The following GLI3 variants were observed in gnomAD, a reference collection of about 807,000 sequenced individuals.
GLI3 encodes GLI family zinc finger 3.
GLI3 carries 20 observed loss-of-function variants against 100.8 expected under a neutral mutation model. That is an observed-to-expected ratio of 0.20 (90% CI 0.14 to 0.29). The LOEUF (loss-of-function observed/expected upper bound fraction) is 0.29, where lower values mean the gene tolerates loss of function less well. GLI3 is among the 10% of genes least tolerant of loss of function. The pLI, the probability that GLI3 is intolerant of heterozygous loss-of-function variation, is 1.00. For synonymous variants in GLI3, 938 were observed against 860.5 expected (o/e 1.09, Z -1.58); for missense variants, 2,040 against 2,128.5 (o/e 0.96, Z 0.82).
intron 2 of GLI3, among the ~76,000 whole-genome samples, chr7:42,159,342 C>T (rs548054104): frequency 6.6e-6 from 1 of 152,168 alleles, no homozygotes; most frequent in Non-Finnish European, 1.5e-5. Flanking sequence ...TTGGAAGCAG[C>T]TTTGCTTGGA....
chr7:42,022,063 A>G (rs993249429), intron 10 of GLI3, among the ~76,000 whole-genome samples: 4 of 152,238 alleles, frequency 2.6e-5, no homozygotes, highest in African/African-American at 9.6e-5. Context: ...AGTTCATGGA[A>G]AAATTCTGGA....
intron 10 of GLI3, among the ~76,000 whole-genome samples, chr7:42,001,358 A>T (rs1037694093): frequency 6.6e-6 from 1 of 152,054 alleles, no homozygotes; most frequent in African/African-American, 2.4e-5. Flanking sequence ...GGATTCTATG[A>T]TCAATGGTGT....
intron 3 of GLI3, among the ~76,000 whole-genome samples, chr7:42,115,664 A>G (rs568869929): frequency 6.6e-6 from 1 of 152,228 alleles, no homozygotes; most frequent in African/African-American, 2.4e-5. Context: ...CAAAGGGCCA[A>G]ACTTGCACAC....
chr7:41,976,127 A>G (rs989673318), intron 12 of GLI3, among the ~76,000 whole-genome samples: 2 of 152,152 alleles, frequency 1.3e-5, no homozygotes, highest in African/African-American at 4.8e-5. Context: ...TTTGGCAACC[A>G]CTGATCTACT....
chr7:42,017,968 G>A (rs1364968943), intron 10 of GLI3, among the ~76,000 whole-genome samples: 2 of 152,178 alleles, frequency 1.3e-5, no homozygotes, highest in African/African-American at 4.8e-5. Context: ...AGTATGATAA[G>A]TGAGAAAATA....
chr7:42,124,788 C>T (rs141432414), intron 3 of GLI3, among the ~76,000 whole-genome samples: 24 of 152,234 alleles, frequency 1.6e-4, no homozygotes, highest in African/African-American at 5.3e-4. Flanking sequence ...TTAGTTGTTG[C>T]CATTGGTGCT....
upstream of GLI3, among the ~76,000 whole-genome samples, chr7:42,241,504 AG>A (rs1438400606): frequency 1.3e-5 from 2 of 152,202 alleles, no homozygotes; most frequent in African/African-American, 4.8e-5. Context: ...GCCTTGGGAA[AG>A]GAAACACTCT....
chr7:42,081,425 C>A (rs1784994654), intron 3 of GLI3, among the ~76,000 whole-genome samples: 1 of 152,070 alleles, frequency 6.6e-6, no homozygotes, highest in Non-Finnish European at 1.5e-5. Context: ...GTCTTTAAAC[C>A]CTATAAATAT....
chr7:42,141,185 T>C (rs1786559269), intron 3 of GLI3, among the ~76,000 whole-genome samples: 1 of 152,162 alleles, frequency 6.6e-6, no homozygotes, highest in Non-Finnish European at 1.5e-5. Context: ...GAAGACAAGA[T>C]ACATCACTGA....
At chr7:42,145,482 A>ACT in intron 3 of GLI3, 1 of 398,488 alleles carries the variant, frequency 2.5e-6, no homozygotes, top group East Asian at 3.6e-5. Flanking sequence ...TTGACTGAGA[A>ACT]AAGATTATGT....
intron 10 of GLI3, among the ~76,000 whole-genome samples, chr7:41,999,085 G>A (rs947397220): frequency 2.0e-5 from 3 of 152,156 alleles, no homozygotes; most frequent in African/African-American, 7.2e-5. Flanking sequence ...GGAGTTTCCT[G>A]TTGAAGAGAG....
intron 4 of GLI3, among the ~76,000 whole-genome samples, chr7:42,072,972 G>A (rs1465750698): frequency 6.6e-6 from 1 of 152,170 alleles, no homozygotes; most frequent in Non-Finnish European, 1.5e-5. Flanking sequence ...ATTCAGTGGA[G>A]AATAACTTTC....
At chr7:42,180,041 T>C (rs1163834827) in intron 2 of GLI3, among the ~76,000 whole-genome samples, 2 of 152,032 alleles carry the variant, frequency 1.3e-5, no homozygotes, top group African/African-American at 2.4e-5. Context: ...GGCTGCGAGC[T>C]CCCAAGGAAT....
intron 1 of GLI3, among the ~76,000 whole-genome samples, chr7:42,260,056 A>G (rs1215666909): frequency 3.9e-5 from 6 of 152,222 alleles, no homozygotes; most frequent in Non-Finnish European, 5.9e-5. Flanking sequence ...AAATGCCTGT[A>G]TCCCCAAAGA....
intron 1 of GLI3, among the ~76,000 whole-genome samples, chr7:42,235,039 C>G (rs958257187): frequency 6.6e-6 from 1 of 152,206 alleles, no homozygotes; most frequent in East Asian, 1.9e-4. Context: ...AAAACCAGTC[C>G]CGGCAGCTTT....
chr7:42,104,374 T>G (rs893599464), intron 3 of GLI3, among the ~76,000 whole-genome samples: 1 of 152,178 alleles, frequency 6.6e-6, no homozygotes, highest in Non-Finnish European at 1.5e-5. Flanking sequence ...ACACATCCGC[T>G]CTAGCATTTC....
rs187231706 is a variant in GLI3, at chr7:42,040,832, C to T, written c.827-593G>A. 4.7e-3 allele frequency among the ~76,000 whole-genome samples: 716 copies of T among 152,244 alleles called. 16 individuals carry two copies. Among genetic ancestry groups the T allele is most frequent in the Admixed American group, 0.041 (629 of 15,294 alleles). On this transcript the variant is annotated intron_variant, in intron 6 of 14. Coordinates refer to ENST00000395925, the MANE Select transcript of GLI3 (RefSeq NM_000168.6). ...GCTTCTCAACTGAGAGCAATTTTGCCCCCCAAGGGACACCTGACAACATCT... is the reference window on the plus strand; with the variant it reads ...GCTTCTCAACTGAGAGCAATTTTGCTCCCCAAGGGACACCTGACAACATCT...
At chr7:42,170,251 CAA>C (rs779153437) in intron 2 of GLI3, among the ~76,000 whole-genome samples, 8 of 104,498 alleles carry the variant, frequency 7.7e-5, no homozygotes, top group Admixed American at 2.1e-4. Context: ...GACTGTGTTT[CAA>C]AAAAAAAAAA....
chr7:42,073,418 C>G (rs535024915), intron 4 of GLI3, among the ~76,000 whole-genome samples: 1 of 152,260 alleles, frequency 6.6e-6, no homozygotes, highest in South Asian at 2.1e-4. Flanking sequence ...CCTAATAAGC[C>G]ATGGTTGGAA....
Sources: allele counts gnomAD v4.1 joint callset (sites outside exome capture counted in the v4.1 genomes callset), GRCh38; gene constraint gnomAD v4.1.1; transcripts MANE v1.5; gene names NCBI Gene and HGNC (gene_info 2026-07-23, HGNC 2026-07-21).